The following LEPR variants were observed in gnomAD, a reference collection of about 807,000 sequenced individuals.
LEPR encodes the protein OB receptor.
Under a neutral mutation model 114.7 loss-of-function variants are expected in LEPR, and 56 were observed. The observed-to-expected ratio is 0.49, with a 90% confidence interval of 0.39 to 0.61. The LOEUF is 0.61. Ranked by LOEUF, LEPR falls within the 20% of genes least tolerant of loss-of-function variation. LEPR has a pLI of 0.00. For synonymous variants in LEPR, 443 were observed against 461.4 expected (o/e 0.96, Z 0.51); for missense variants, 1,202 against 1,352.9 (o/e 0.89, Z 1.75).
In LEPR at chr1:65,605,399, T is replaced by A. The variant is rs79035087; in HGVS notation, c.1603+162T>A. On this transcript the variant is annotated intron_variant, in intron 11 of 19. Transcript: ENST00000349533. ...TGAGAAAATCAGCCTTAGGAAGTTT[T>A]ACAGTTTTGAATTCATTTCAAATTA... Among the ~76,000 whole-genome samples, 19,666 of 152,286 alleles carry A rather than the reference T, an allele frequency of 0.13. 1,663 individuals carry two copies. The highest frequency in any genetic ancestry group is 0.23 in the Middle Eastern group (68 of 292).
chr1:65,618,430 A>C (rs1356666608), intron 16 of LEPR, among the ~76,000 whole-genome samples: 1 of 151,962 alleles, frequency 6.6e-6, no homozygotes. Context: ...GGCTCAAGCT[A>C]TCTTTCCACC....
At chr1:65,548,899 A>G (rs1652022129) in intron 2 of LEPR, among the ~76,000 whole-genome samples, 1 of 152,210 alleles carries the variant, frequency 6.6e-6, no homozygotes, top group African/African-American at 2.4e-5. Context: ...GTTTCTTCCT[A>G]GCCTCGAAGG....
intron 2 of LEPR, among the ~76,000 whole-genome samples, chr1:65,522,126 C>T (rs545718137): frequency 2.0e-5 from 3 of 152,054 alleles, no homozygotes; most frequent in East Asian, 3.8e-4. Flanking sequence ...ATGGCCAAAG[C>T]GAGTCACTGT....
rs1187816788 is a variant in LEPR at position 65,570,710 on chromosome 1, G to A, written c.278G>A (p.Ser93Asn). The change falls in exon 4 of 20, where the codon AGT becomes AAT. Residue 93 changes from serine (S) to asparagine (N), a missense_variant. Ser to Asn is a conservative substitution (Grantham distance 46, BLOSUM62 1). Transcript: ENST00000349533. ...ACAACTTTCCACTGTTGCTTTCGGA[G>A]TGAGCAAGATAGAAACTGCTCCTTA... Reference protein sequence around the residue: ...SKTTFHCCFRSEQDRNCSLCA... With the variant: ...SKTTFHCCFRNEQDRNCSLCA... 8.7e-6 allele frequency: 14 copies of A among 1,613,438 alleles called. No individual in the cohort carries two copies. The East Asian group carries it at 3.1e-4, about 36-fold the overall frequency.
intron 2 of LEPR, among the ~76,000 whole-genome samples, chr1:65,553,317 C>G (rs1465835281): frequency 1.3e-5 from 2 of 152,208 alleles, no homozygotes; most frequent in Non-Finnish European, 2.9e-5. Flanking sequence ...TGTTTTCCAA[C>G]TTGGTTCTGT....
intron 2 of LEPR, among the ~76,000 whole-genome samples, chr1:65,492,474 C>T (rs1264672310): frequency 6.6e-6 from 1 of 151,928 alleles, no homozygotes; most frequent in East Asian, 1.9e-4. Flanking sequence ...AAGATAAAAC[C>T]TTATGTTGGG....
At chr1:65,488,268 TTTCC>T (rs1647675759) in intron 2 of LEPR, among the ~76,000 whole-genome samples, 1 of 138,274 alleles carries the variant, frequency 7.2e-6, no homozygotes, top group Non-Finnish European at 1.6e-5. Context: ...TTTCTTTCTC[TTTCC>T]TCTTTCTTTC....
intron 5 of LEPR, among the ~76,000 whole-genome samples, chr1:65,591,234 A>G (rs542795180): frequency 4.6e-5 from 7 of 152,136 alleles, no homozygotes; most frequent in African/African-American, 1.7e-4. Context: ...GACTTGTTTT[A>G]TGGACCAGAA....
chr1:65,617,257 A>G (rs1657583985), intron 15 of LEPR, among the ~76,000 whole-genome samples: 1 of 152,208 alleles, frequency 6.6e-6, no homozygotes, highest in Non-Finnish European at 1.5e-5. Flanking sequence ...GGAAAGGAAT[A>G]TAATTTTATG....
At chr1:65,489,402 A>G (rs569431908) in intron 2 of LEPR, among the ~76,000 whole-genome samples, 1 of 152,254 alleles carries the variant, frequency 6.6e-6, no homozygotes, top group South Asian at 2.1e-4. Context: ...CCTGTTGGCC[A>G]TCTGTATGTC....
chr1:65,510,132 A>G (rs1009495104), intron 2 of LEPR, among the ~76,000 whole-genome samples: 4 of 152,222 alleles, frequency 2.6e-5, no homozygotes, highest in Admixed American at 2.0e-4. Flanking sequence ...ACTGACTCAT[A>G]TGGAGAAGCA....
chr1:65,497,078 T>G (rs1314377142), intron 2 of LEPR, among the ~76,000 whole-genome samples: 1 of 152,134 alleles, frequency 6.6e-6, no homozygotes, highest in Non-Finnish European at 1.5e-5. Context: ...CATTCATTAA[T>G]TTATCTGTGT....
chr1:65,621,543 T>A, intron 18 of LEPR, 85 bp downstream of exon 18: 1 of 1,147,858 alleles, frequency 8.7e-7, no homozygotes, highest in Non-Finnish European at 1.3e-6. Flanking sequence ...AAATTAGGAA[T>A]ATTAAAGTCT....
intron 6 of LEPR, among the ~76,000 whole-genome samples, 173 bp from the exon 7 acceptor site, chr1:65,596,275 C>T (rs568688674): frequency 5.9e-5 from 9 of 152,084 alleles, no homozygotes; most frequent in African/African-American, 1.9e-4. Context: ...GGTACAAGGA[C>T]GAGACCCAGT....
At chr1:65,460,123 CTAT>C (rs1345037965) in intron 2 of LEPR, among the ~76,000 whole-genome samples, 1 of 151,356 alleles carries the variant, frequency 6.6e-6, no homozygotes, top group African/African-American at 2.4e-5. Flanking sequence ...AGACCATAAT[CTAT>C]ATTACATATC....
At chr1:65,591,213 A>G (rs1433634349) in intron 5 of LEPR, among the ~76,000 whole-genome samples, 2 of 152,020 alleles carry the variant, frequency 1.3e-5, no homozygotes, top group Non-Finnish European at 2.9e-5. Flanking sequence ...GAATCCTTTA[A>G]AATTTATTGA....
intron 15 of LEPR, among the ~76,000 whole-genome samples, chr1:65,616,896 G>T (rs541137426): frequency 2.6e-5 from 4 of 152,198 alleles, no homozygotes; most frequent in East Asian, 3.9e-4. Context: ...CCTCCTTTAT[G>T]AAATCTTTGC....
chr1:65,623,177 G>A (rs907712334), intron 19 of LEPR, 196 bp downstream of exon 19: 23 of 591,090 alleles, frequency 3.9e-5, no homozygotes, highest in South Asian at 1.9e-4. Context: ...AAATTTCAGC[G>A]CATAGTTTAT....
intron 2 of LEPR, among the ~76,000 whole-genome samples, chr1:65,455,984 G>A (rs1646867822): frequency 6.6e-6 from 1 of 152,122 alleles, no homozygotes; most frequent in African/African-American, 2.4e-5. Context: ...TAATCTCCTG[G>A]TGCGCCATTT....
Sources: gnomAD v4.1 joint callset for allele counts (sites outside exome capture counted in the v4.1 genomes callset) on GRCh38, gnomAD v4.1.1 for gene constraint, MANE v1.5 for transcripts, NCBI Gene and HGNC (gene_info 2026-07-23, HGNC 2026-07-21) for gene names.